The following NRXN3 variants were observed in gnomAD, a reference collection of about 807,000 sequenced individuals.
The protein encoded by NRXN3 is neurexin III.
In NRXN3, 32 loss-of-function variants were observed where a neutral mutation model predicts 137.6. The ratio of observed to expected loss-of-function variants is 0.23; its 90% CI spans 0.18 to 0.31. NRXN3 has a LOEUF of 0.31. NRXN3 is among the 10% of genes least tolerant of loss of function. NRXN3 has a pLI of 1.00. For missense variants in NRXN3, 1,574 were observed against 2,062.5 expected (o/e 0.76, Z 4.59); for synonymous variants, 798 against 784.5 (o/e 1.02, Z -0.29).
chr14:79,279,116 C>A (rs1031912323), intron 15 of NRXN3, among the ~76,000 whole-genome samples: 1 of 152,150 alleles, frequency 6.6e-6, no homozygotes, highest in Non-Finnish European at 1.5e-5. Flanking sequence ...GTCGGTCTGT[C>A]GGTGTCACAC....
At chr14:78,422,617 T>C (rs1043184780) in intron 4 of NRXN3, among the ~76,000 whole-genome samples, 5 of 151,722 alleles carry the variant, frequency 3.3e-5, no homozygotes, top group Non-Finnish European at 7.4e-5. Flanking sequence ...CACTGTAATA[T>C]GGGTTAATCA....
At chr14:78,771,662 A>C (rs1045047727) in intron 8 of NRXN3, among the ~76,000 whole-genome samples, 2 of 152,240 alleles carry the variant, frequency 1.3e-5, no homozygotes, top group African/African-American at 2.4e-5. Context: ...ATAAGAATGT[A>C]CACAGAATGG....
chr14:79,337,839 AC>A (rs907985726), intron 15 of NRXN3, among the ~76,000 whole-genome samples: 1 of 152,126 alleles, frequency 6.6e-6, no homozygotes, highest in Non-Finnish European at 1.5e-5. Context: ...GGTTTTTCAT[AC>A]CGTATTACTG....
At chr14:79,565,348 C>CATATATACACACATATTGTGT (rs1382372387) in intron 16 of NRXN3, among the ~76,000 whole-genome samples, 1 of 142,064 alleles carries the variant, frequency 7.0e-6, no homozygotes, top group Non-Finnish European at 1.6e-5. Context: ...CATATGTGTG[C>CATATATACACACATATTGTGT]GTATATGTAT....
intron 15 of NRXN3, among the ~76,000 whole-genome samples, chr14:79,249,223 G>C (rs1333604576): frequency 1.3e-5 from 2 of 152,052 alleles, no homozygotes; most frequent in Non-Finnish European, 2.9e-5. Flanking sequence ...AAAGAAAAGA[G>C]AAAAAATACA....
At chr14:78,316,244 C>T (rs2078697097) in intron 4 of NRXN3, among the ~76,000 whole-genome samples, 1 of 152,036 alleles carries the variant, frequency 6.6e-6, no homozygotes, top group South Asian at 2.1e-4. Flanking sequence ...GCTCCCCACC[C>T]CCACTTTAAA....
At chr14:79,240,164 A>T (rs2074044827) in intron 15 of NRXN3, among the ~76,000 whole-genome samples, 1 of 152,162 alleles carries the variant, frequency 6.6e-6, no homozygotes, top group Non-Finnish European at 1.5e-5. Context: ...AAATATATAT[A>T]TATGCAATTA....
At chr14:79,739,901 T>C (rs1014031807) in intron 19 of NRXN3, among the ~76,000 whole-genome samples, 3 of 152,152 alleles carry the variant, frequency 2.0e-5, no homozygotes, top group African/African-American at 7.2e-5. Context: ...CTCTGCATCC[T>C]TTTCCATGCT....
intron 16 of NRXN3, among the ~76,000 whole-genome samples, chr14:79,528,978 A>AT (rs1210778174): frequency 6.6e-6 from 1 of 152,130 alleles, no homozygotes; most frequent in African/African-American, 2.4e-5. Context: ...AAAGCTGACA[A>AT]TGGGGACATG....
At chr14:78,944,566 T>A (rs2099361574) in intron 10 of NRXN3, among the ~76,000 whole-genome samples, 1 of 152,066 alleles carries the variant, frequency 6.6e-6, no homozygotes, top group South Asian at 2.1e-4. Flanking sequence ...GGTGTCCTCA[T>A]CAGAAGAGGG....
intron 15 of NRXN3, among the ~76,000 whole-genome samples, chr14:79,221,087 C>G (rs2069556432): frequency 6.6e-6 from 1 of 152,124 alleles, no homozygotes; most frequent in Non-Finnish European, 1.5e-5. Context: ...ATGAACTCAT[C>G]CTTTTTTATG....
At chr14:79,558,861 T>C (rs1027996536) in intron 16 of NRXN3, among the ~76,000 whole-genome samples, 3 of 152,220 alleles carry the variant, frequency 2.0e-5, no homozygotes, top group African/African-American at 7.2e-5. Flanking sequence ...TCAATGATCT[T>C]AGCTAGAACT....
intron 2 of NRXN3, among the ~76,000 whole-genome samples, chr14:78,266,577 A>G (rs534071798): frequency 3.9e-4 from 59 of 152,238 alleles, no homozygotes; most frequent in African/African-American, 1.2e-3. Context: ...GATTACAAGC[A>G]TGAGCCACCA....
chr14:79,409,035 G>A (rs1280953166), intron 15 of NRXN3, among the ~76,000 whole-genome samples: 2 of 152,058 alleles, frequency 1.3e-5, no homozygotes, highest in African/African-American at 4.8e-5. Flanking sequence ...TTTCAACCAA[G>A]TAATTAGATC....
At chr14:79,509,023 C>T (rs766474997) in intron 16 of NRXN3, among the ~76,000 whole-genome samples, 4 of 151,602 alleles carry the variant, frequency 2.6e-5, no homozygotes, top group Admixed American at 6.6e-5. Context: ...GGTGAAACCC[C>T]GTCTCTACTA....
intron 16 of NRXN3, among the ~76,000 whole-genome samples, chr14:79,556,770 G>A (rs1270839708): frequency 6.6e-6 from 1 of 152,078 alleles, no homozygotes; most frequent in Admixed American, 6.6e-5. Flanking sequence ...TGCCCAGGTT[G>A]GTCTCAAACT....
intron 8 of NRXN3, among the ~76,000 whole-genome samples, chr14:78,724,754 G>A (rs2098475420): frequency 6.6e-6 from 1 of 152,086 alleles, no homozygotes; most frequent in Non-Finnish European, 1.5e-5. Context: ...TTGAAATGTT[G>A]GCAACTGATT....
chr14:79,087,864 G>A lies in NRXN3; in HGVS notation c.3262+99723G>A, dbSNP rs527902412. 2.0e-5 allele frequency among the ~76,000 whole-genome samples: 3 copies of A among 152,328 alleles called. No homozygotes were observed. In the East Asian group the frequency reaches 5.8e-4, roughly 29 times the overall value. Reference sequence around the variant, plus strand: ...AACTTACCTGGAAGAGTCCTCTGGAGAGAGAATAAGAAGATGCTTTCAGTT... The same window carrying A: ...AACTTACCTGGAAGAGTCCTCTGGAAAGAGAATAAGAAGATGCTTTCAGTT... On this transcript the variant is annotated intron_variant, in intron 15 of 20. Coordinates refer to ENST00000335750, the MANE Select transcript of NRXN3 (RefSeq NM_001330195.2).
intron 1 of NRXN3, among the ~76,000 whole-genome samples, chr14:78,230,781 C>T (rs1291113487): frequency 6.6e-6 from 1 of 152,090 alleles, no homozygotes; most frequent in African/African-American, 2.4e-5. Context: ...TGGCTGGTGT[C>T]AGACCGTGGC....
Sources: gnomAD v4.1 joint callset for allele counts (sites outside exome capture counted in the v4.1 genomes callset) on GRCh38, gnomAD v4.1.1 for gene constraint, MANE v1.5 for transcripts, NCBI Gene and HGNC (gene_info 2026-07-23, HGNC 2026-07-21) for gene names.